Variants in TPRG1 observed in about 807,000 individuals in gnomAD.
TPRG1 encodes the protein tumor protein p63 regulated 1.
A neutral mutation model predicts 29.3 loss-of-function variants in TPRG1; 29 were observed. The ratio of observed to expected loss-of-function variants is 0.99; its 90% confidence interval spans 0.74 to 1.35. The LOEUF is 1.35. TPRG1 is among the 40% of genes most tolerant of loss of function. The probability of loss-of-function intolerance (pLI) is 0.00; values close to 1 mark genes in which losing one functional copy is unlikely to be tolerated. For missense variants in TPRG1, 327 were observed against 335.0 expected, an observed-to-expected ratio of 0.98 and a Z score of 0.19; for synonymous variants, 130 against 116.8, an observed-to-expected ratio of 1.11 and a Z score of -0.73.
chr3:189,185,783 T>C (rs971758146), intron 1 of TPRG1, among the ~76,000 whole-genome samples: 4 of 152,192 alleles, frequency 2.6e-5, no homozygotes, highest in African/African-American at 4.8e-5. Context: ...CCTTTAACAT[T>C]TTAATATGTT....
intron 3 of TPRG1, among the ~76,000 whole-genome samples, chr3:189,017,527 G>A (rs1713012452): frequency 6.6e-6 from 1 of 152,018 alleles, no homozygotes; most frequent in African/African-American, 2.4e-5. Flanking sequence ...ATGATTTCCA[G>A]TTTCATCCAT....
At chr3:189,089,606 A>G (rs746153502) in intron 4 of TPRG1, among the ~76,000 whole-genome samples, 1 of 152,154 alleles carries the variant, frequency 6.6e-6, no homozygotes, top group Non-Finnish European at 1.5e-5. Flanking sequence ...GACTCTGCAG[A>G]GTCCCAAGGC....
intron 4 of TPRG1, among the ~76,000 whole-genome samples, chr3:189,043,122 G>T (rs1414343208): frequency 6.6e-6 from 1 of 151,922 alleles, no homozygotes; most frequent in Non-Finnish European, 1.5e-5. Flanking sequence ...CAATTAAATG[G>T]GCCCTGTTCA....
At chr3:189,230,248 G>C (rs1331986819) in intron 3 of TPRG1, among the ~76,000 whole-genome samples, 1 of 152,140 alleles carries the variant, frequency 6.6e-6, no homozygotes, top group Non-Finnish European at 1.5e-5. Context: ...AAATTGCCTG[G>C]TCCTGTAAGG....
intron 3 of TPRG1, among the ~76,000 whole-genome samples, chr3:189,228,891 T>C (rs1738207477): frequency 6.6e-6 from 1 of 152,168 alleles, no homozygotes; most frequent in Admixed American, 6.5e-5. Context: ...CCAAAAAAAC[T>C]GTCCAGATCT....
At chr3:189,228,840 A>G (rs1738198871) in intron 3 of TPRG1, among the ~76,000 whole-genome samples, 1 of 152,238 alleles carries the variant, frequency 6.6e-6, no homozygotes, top group Non-Finnish European at 1.5e-5. Context: ...CTCTATTTGT[A>G]TATGACATGA....
chr3:189,181,058 A>G (rs1453656208), intron 1 of TPRG1, among the ~76,000 whole-genome samples: 1 of 152,202 alleles, frequency 6.6e-6, no homozygotes, highest in Admixed American at 6.5e-5. Context: ...CCTGAGCTCT[A>G]TGTTGGCCCC....
intron 4 of TPRG1, among the ~76,000 whole-genome samples, chr3:189,047,535 A>G (rs2152137675): frequency 6.6e-6 from 1 of 152,292 alleles, no homozygotes; most frequent in Non-Finnish European, 1.5e-5. Context: ...TTAAAATAAG[A>G]CAGCAATAAA....
At chr3:189,292,067 T>C (rs1393313384) in intron 4 of TPRG1, among the ~76,000 whole-genome samples, 2 of 152,244 alleles carry the variant, frequency 1.3e-5, no homozygotes, top group Non-Finnish European at 2.9e-5. Flanking sequence ...TGAAAACTAC[T>C]TTTCGAATTC....
chr3:189,101,237 T>C (rs909593564), intron 1 of TPRG1, among the ~76,000 whole-genome samples: 4 of 152,128 alleles, frequency 2.6e-5, no homozygotes, highest in Non-Finnish European at 5.9e-5. Flanking sequence ...GTTCCTTCCC[T>C]ATCTTCTGCC....
intron 4 of TPRG1, among the ~76,000 whole-genome samples, chr3:189,090,403 T>C (rs900498112): frequency 3.4e-5 from 5 of 148,476 alleles, no homozygotes; most frequent in Non-Finnish European, 5.9e-5. Context: ...TCAGTGTTTA[T>C]AGATATGCAA....
intron 4 of TPRG1, among the ~76,000 whole-genome samples, chr3:189,057,894 A>G (rs1212098768): frequency 2.0e-5 from 3 of 147,648 alleles, no homozygotes; most frequent in Non-Finnish European, 4.5e-5. Flanking sequence ...ATACGTATAC[A>G]CATATATACA....
intron 4 of TPRG1, among the ~76,000 whole-genome samples, chr3:189,068,087 A>G (rs1352379218): frequency 6.6e-6 from 1 of 152,226 alleles, no homozygotes; most frequent in African/African-American, 2.4e-5. Flanking sequence ...ATCATTTATC[A>G]GCAGAGAAAT....
At chr3:189,105,291 T>G (rs144865107) in intron 1 of TPRG1, among the ~76,000 whole-genome samples, 2 of 152,240 alleles carry the variant, frequency 1.3e-5, no homozygotes, top group Non-Finnish European at 2.9e-5. Context: ...AGCTTACTCA[T>G]GATGTTGGTC....
Position 189,083,054 on chromosome 3 carries a change from G to C in TPRG1, c.-462-44003G>C, listed in dbSNP as rs571036981. Among the ~76,000 whole-genome samples, 3 of 152,292 alleles carry C rather than the reference G, an allele frequency of 2.0e-5. No individual in the cohort carries two copies. In the East Asian group the frequency reaches 5.8e-4, roughly 29 times the overall value. On this transcript the variant is annotated intron_variant, in intron 4 of 10. Transcript: ENST00000433971. The stretch of plus-strand genomic sequence containing the variant: ...ATTTCTCATATTTTTCCATTGACTG[G>C]GATTGAGTGCTATAATTAGTGGGGG...
chr3:189,083,462 C>T (rs1717737910), intron 4 of TPRG1, among the ~76,000 whole-genome samples: 1 of 152,162 alleles, frequency 6.6e-6, no homozygotes, highest in African/African-American at 2.4e-5. Flanking sequence ...ACCCAAGGGA[C>T]CCCAGGAACC....
chr3:189,128,651 G>T (rs1318860741), intron 2 of TPRG1, among the ~76,000 whole-genome samples: 13 of 152,096 alleles, frequency 8.5e-5, no homozygotes, highest in Non-Finnish European at 1.9e-4. Context: ...ACAAAATGTT[G>T]GTACTATTTC....
intron 3 of TPRG1, among the ~76,000 whole-genome samples, chr3:189,137,010 T>C (rs570175386): frequency 6.6e-6 from 1 of 152,264 alleles, no homozygotes; most frequent in African/African-American, 2.4e-5. Context: ...TTTGAAAGTC[T>C]GGAAAGACAG....
intron 4 of TPRG1, among the ~76,000 whole-genome samples, chr3:189,278,559 A>G (rs12635497): frequency 0.089 from 13,479 of 152,256 alleles, 758 homozygotes; most frequent in East Asian, 0.15. Flanking sequence ...ATAAGGTTAA[A>G]TGTGGCATCA....
Sources: allele counts gnomAD v4.1 joint callset (sites outside exome capture counted in the v4.1 genomes callset), GRCh38; gene constraint gnomAD v4.1.1; transcripts MANE v1.5; gene names NCBI Gene and HGNC (gene_info 2026-07-23, HGNC 2026-07-21).